The following PRKG1 variants were observed in gnomAD, a reference collection of about 807,000 sequenced individuals.
The protein encoded by PRKG1 is cGMP-dependent protein kinase 1.
PRKG1 carries 35 observed loss-of-function variants against 88.1 expected under a neutral mutation model. That is an observed-to-expected ratio of 0.40 (90% CI 0.30 to 0.53). The LOEUF is 0.53. Ranked by LOEUF, PRKG1 falls within the 20% of genes least tolerant of loss-of-function variation. PRKG1 has a pLI of 0.59. For missense variants in PRKG1, 540 were observed against 839.8 expected (o/e 0.64, Z 4.41); for synonymous variants, 303 against 292.5 (o/e 1.04, Z -0.37).
intron 3 of PRKG1, among the ~76,000 whole-genome samples, chr10:51,654,087 A>C (rs1840104843): frequency 6.6e-6 from 1 of 152,154 alleles, no homozygotes; most frequent in African/African-American, 2.4e-5. Flanking sequence ...TCATATTAAA[A>C]AAAAATCACT....
chr10:51,703,357 A>G lies in PRKG1; in HGVS notation c.593-101228A>G, dbSNP rs147534764. On this transcript the variant is annotated intron_variant, in intron 3 of 17. Transcript: ENST00000373980. ...TGACAGTCATTTTTGAAATAAGTGT[A>G]CGGGTCCTTCAAGGAATAGCTCAAA... Among the ~76,000 whole-genome samples the G allele has an allele frequency of 8.8e-3, 1,340 of 152,312 alleles. 24 individuals are homozygous for G. Among genetic ancestry groups the G allele is most frequent in the African/African-American group, 0.03 (1,242 of 41,576 alleles).
chr10:51,621,822 A>G (rs1038945408), intron 3 of PRKG1, among the ~76,000 whole-genome samples: 3 of 152,170 alleles, frequency 2.0e-5, no homozygotes, highest in Non-Finnish European at 4.4e-5. Flanking sequence ...GTGTATTTAC[A>G]CTTCTTAAAA....
intron 2 of PRKG1, among the ~76,000 whole-genome samples, chr10:51,335,045 G>A (rs973826275): frequency 3.5e-5 from 4 of 113,836 alleles, no homozygotes; most frequent in South Asian, 2.9e-4. Flanking sequence ...TTGCTCTGTC[G>A]CCCAGGCTGG....
intron 9 of PRKG1, among the ~76,000 whole-genome samples, chr10:52,242,993 A>G (rs1840907794): frequency 6.6e-6 from 1 of 152,200 alleles, no homozygotes; most frequent in Admixed American, 6.5e-5. Flanking sequence ...TTCAAGATTA[A>G]TTATTTAAAA....
chr10:51,074,994 T>C, intron 1 of PRKG1, 93 bp downstream of exon 1: 1 of 1,436,208 alleles, frequency 7.0e-7, no homozygotes, highest in Non-Finnish European at 9.3e-7. Flanking sequence ...CCCCTCCCGC[T>C]TGCCATGTCT....
chr10:52,087,621 T>G (rs565591496), intron 7 of PRKG1, among the ~76,000 whole-genome samples: 1 of 152,308 alleles, frequency 6.6e-6, no homozygotes, highest in East Asian at 1.9e-4. Flanking sequence ...CTTACAGTAC[T>G]TATATACTTT....
intron 3 of PRKG1, among the ~76,000 whole-genome samples, chr10:51,717,888 ACAAG>A (rs1841924274): frequency 6.6e-6 from 1 of 151,962 alleles, no homozygotes; most frequent in African/African-American, 2.4e-5. Context: ...ACAGCACATT[ACAAG>A]TCTTCTATGA....
intron 4 of PRKG1, among the ~76,000 whole-genome samples, chr10:51,907,175 G>A (rs898831355): frequency 2.0e-5 from 3 of 152,024 alleles, no homozygotes; most frequent in South Asian, 4.1e-4. Context: ...TGACTGGGGG[G>A]CTTAAAATTT....
At chr10:51,356,843 A>G (rs1434930065) in intron 2 of PRKG1, among the ~76,000 whole-genome samples, 3 of 151,994 alleles carry the variant, frequency 2.0e-5, no homozygotes, top group Non-Finnish European at 2.9e-5. Flanking sequence ...CACCATATAC[A>G]TACCTCTATC....
At chr10:52,108,767 C>T (rs946884195) in intron 7 of PRKG1, among the ~76,000 whole-genome samples, 9 of 151,026 alleles carry the variant, frequency 6.0e-5, no homozygotes, top group East Asian at 2.0e-4. Flanking sequence ...ATAGCTATTG[C>T]GATGATACTA....
intron 5 of PRKG1, among the ~76,000 whole-genome samples, chr10:51,943,957 T>C (rs1842967153): frequency 6.6e-6 from 1 of 152,080 alleles, no homozygotes; most frequent in African/African-American, 2.4e-5. Context: ...ATCAGGATGA[T>C]GCTGGCCTCA....
chr10:52,276,832 T>C (rs553294293), intron 12 of PRKG1, among the ~76,000 whole-genome samples: 1 of 152,348 alleles, frequency 6.6e-6, no homozygotes, highest in African/African-American at 2.4e-5. Context: ...TTATGCTTTG[T>C]GACTGCTTTC....
At chr10:51,467,566 ATTTTG>A (rs1406132503) in intron 2 of PRKG1, among the ~76,000 whole-genome samples, 152 bp from the exon 3 acceptor site, 1 of 151,918 alleles carries the variant, frequency 6.6e-6, no homozygotes, top group Non-Finnish European at 1.5e-5. Flanking sequence ...TAACTTCCAT[ATTTTG>A]TTTTATTTCT....
rs560435323 is a variant in PRKG1, at chr10:51,081,897, T to C, written c.311+6996T>C. 2.0e-5 allele frequency among the ~76,000 whole-genome samples: 3 copies of C among 152,282 alleles called. No individual in the cohort carries two copies. In the East Asian group the frequency reaches 5.8e-4, roughly 29 times the overall value. On this transcript the variant is annotated intron_variant, in intron 1 of 17. Transcript: ENST00000373980. ...TCAGCCTCCAGAGTAGCCAAGATTA[T>C]AGGCACATAGCACCACACCTGGATA...
Position 51,133,897 on chromosome 10 carries a change from A to C in PRKG1, c.312-19267A>C, listed in dbSNP as rs182238707. Among the ~76,000 whole-genome samples the C allele has an allele frequency of 1.1e-4, 16 of 152,304 alleles. No individual in the cohort carries two copies. The East Asian group carries it at 3.1e-3, about 29-fold the overall frequency. ...GTGCCAGTACATTGTTAAAGCCTAAAATCAACAACATTGTATCTCTTCTCT... is the reference window on the plus strand; with the variant it reads ...GTGCCAGTACATTGTTAAAGCCTAACATCAACAACATTGTATCTCTTCTCT... On this transcript the variant is annotated intron_variant, in intron 1 of 17. Transcript: ENST00000373980.
intron 3 of PRKG1, among the ~76,000 whole-genome samples, chr10:51,700,227 C>T (rs545936708): frequency 6.6e-6 from 1 of 152,318 alleles, no homozygotes; most frequent in African/African-American, 2.4e-5. Context: ...CATTCTGTTG[C>T]TTCCTATAAC....
intron 16 of PRKG1, among the ~76,000 whole-genome samples, chr10:52,289,234 AT>A (rs537787036): frequency 2.0e-5 from 3 of 152,072 alleles, no homozygotes; most frequent in Admixed American, 2.0e-4. Context: ...ACCAACTAGC[AT>A]TTTTTTCCCC....
chr10:51,133,044 A>G (rs1014458076), intron 1 of PRKG1, among the ~76,000 whole-genome samples: 6 of 152,096 alleles, frequency 3.9e-5, no homozygotes, highest in Non-Finnish European at 7.4e-5. Flanking sequence ...GAGCCTTACA[A>G]TGAAATCTGA....
At chr10:51,291,493 G>T (rs1044979155) in intron 2 of PRKG1, among the ~76,000 whole-genome samples, 4 of 152,114 alleles carry the variant, frequency 2.6e-5, no homozygotes, top group African/African-American at 9.7e-5. Flanking sequence ...TCTCTCTTCA[G>T]CATCAAACCA....
Sources: gnomAD v4.1 joint callset for allele counts (sites outside exome capture counted in the v4.1 genomes callset) on GRCh38, gnomAD v4.1.1 for gene constraint, MANE v1.5 for transcripts, NCBI Gene and HGNC (gene_info 2026-07-23, HGNC 2026-07-21) for gene names.